Variants in ZNF236 observed in about 807,000 individuals in gnomAD.
ZNF236 encodes the protein zinc finger protein 236.
A neutral mutation model predicts 191.2 loss-of-function variants in ZNF236; 50 were observed. The observed-to-expected ratio is 0.26, with a 90% CI of 0.21 to 0.33. The LOEUF is 0.33. Ranked by LOEUF, ZNF236 falls within the 10% of genes least tolerant of loss-of-function variation. ZNF236 has a pLI of 1.00. For synonymous variants in ZNF236, 907 were observed against 928.8 expected (o/e 0.98, Z 0.43); for missense variants, 1,754 against 2,374.5 (o/e 0.74, Z 5.43).
chr18:76,824,217 G>A, intron 1 of ZNF236: 2 of 729,092 alleles, frequency 2.7e-6, no homozygotes, highest in Non-Finnish European at 5.1e-6. Context: ...GAGGTAATGG[G>A]TAGGAATCAA....
intron 30 of ZNF236, among the ~76,000 whole-genome samples, chr18:76,966,485 G>A (rs905001941): frequency 3.9e-5 from 6 of 152,156 alleles, no homozygotes; most frequent in Non-Finnish European, 7.3e-5. Flanking sequence ...GTTTCTCACT[G>A]GACAGAGCTT....
At chr18:76,841,416 C>A (rs1298234212) in intron 1 of ZNF236, among the ~76,000 whole-genome samples, 1 of 152,056 alleles carries the variant, frequency 6.6e-6, no homozygotes, top group African/African-American at 2.4e-5. Context: ...ATAATATGAG[C>A]GAACCGACAC....
In ZNF236 at chr18:76,843,803, A is replaced by AG. The variant is rs535970004; in HGVS notation, c.56-5723_56-5722insG. On this transcript the variant is annotated intron_variant, in intron 1 of 30. Transcript: ENST00000320610. The stretch of plus-strand genomic sequence containing the variant: ...AAAAAAAAAAAAAAAAAAAAAAAAA[A>AG]AAGTAAAGAAGAGACCGGGCGCAGT... Among the ~76,000 whole-genome samples the AG allele has an allele frequency of 1.7e-3, 108 of 62,074 alleles. 27 individuals are homozygous for AG. In the East Asian group the frequency reaches 0.029, roughly 16 times the overall value. The allele number at this position is 62,074 out of a possible 152,430, so 40.7% of individuals were successfully genotyped here.
chr18:76,883,977 C>G (rs886140305), intron 9 of ZNF236, among the ~76,000 whole-genome samples: 1 of 152,168 alleles, frequency 6.6e-6, no homozygotes, highest in Non-Finnish European at 1.5e-5. Context: ...TTGATTTATT[C>G]ACTTTTATCA....
intron 20 of ZNF236, 86 bp downstream of exon 20, chr18:76,920,144 G>A: frequency 6.8e-7 from 1 of 1,464,910 alleles, no homozygotes; most frequent in Non-Finnish European, 9.2e-7. Flanking sequence ...CACTGCAGCA[G>A]GGCCATTAGT....
chr18:76,915,529 G>T, intron 18 of ZNF236, 118 bp from the exon 19 acceptor site: 3 of 877,600 alleles, frequency 3.4e-6, no homozygotes, highest in East Asian at 2.5e-5. Flanking sequence ...AGTCTGTTAA[G>T]CCTCAGGATA....
In ZNF236 at chr18:76,895,102, A is replaced by G. The variant is rs199756693; in HGVS notation, c.1507A>G (p.Ile503Val). The change falls in exon 10 of 31, where the codon ATC (isoleucine) becomes GTC (valine). Residue 503 changes from isoleucine (I) to valine (V), a missense_variant. By Grantham distance (29) the Ile-to-Val change is conservative. Transcript: ENST00000320610. ...CAAGCCCAGCGACCTGGTCCGCCAC[A>G]TCCGCATCCACACCCACGAGAAGCC... is the stretch of plus-strand genomic sequence containing the variant. ...FRKPSDLVRHIRIHTHEKPFK... is the reference protein window; with the variant it reads ...FRKPSDLVRHVRIHTHEKPFK... The G allele has an allele frequency of 3.1e-6, 5 of 1,611,976 alleles. No individual in the cohort carries two copies. In the African/African-American group the frequency reaches 5.3e-5, roughly 17 times the overall value.
Position 76,919,867 on chromosome 18 carries a change from A to C in ZNF236, c.3366A>C (p.Thr1122=). 2 of 1,614,250 alleles carry C rather than the reference A, an allele frequency of 1.2e-6. No homozygotes were observed. Among genetic ancestry groups the C allele is most frequent in the Non-Finnish European group, 1.7e-6 (2 of 1,180,058 alleles). Residue 1122 remains threonine, a synonymous_variant, in exon 20 of 31, where the codon ACA becomes ACC. Transcript: ENST00000320610. The surrounding 1 kb of genome is among the most constrained non-coding windows in gnomAD (Gnocchi z 5.3). ...PEVITFTEEE[T]AQLAKIRPQE... Reference sequence around the variant, plus strand: ...TCATCACTTTCACGGAGGAGGAGACAGCCCAGTTAGCCAAGATCCGGCCGC... The same window carrying C: ...TCATCACTTTCACGGAGGAGGAGACCGCCCAGTTAGCCAAGATCCGGCCGC...
At chr18:76,831,554 G>C (rs1309820137) in intron 1 of ZNF236, among the ~76,000 whole-genome samples, 1 of 152,084 alleles carries the variant, frequency 6.6e-6, no homozygotes, top group African/African-American at 2.4e-5. Flanking sequence ...GTAAATCTCG[G>C]GGACTGTGAC....
intron 1 of ZNF236, among the ~76,000 whole-genome samples, chr18:76,827,737 C>CA (rs1975057245): frequency 6.6e-6 from 1 of 152,196 alleles, no homozygotes; most frequent in Non-Finnish European, 1.5e-5. Flanking sequence ...AAGTGAGTCT[C>CA]ACAGGCATCG....
intron 9 of ZNF236, among the ~76,000 whole-genome samples, chr18:76,892,725 G>A (rs553826447): frequency 1.4e-4 from 22 of 152,204 alleles, no homozygotes; most frequent in African/African-American, 5.1e-4. Flanking sequence ...GTGCCACCAC[G>A]CCCAGCAAAT....
At chr18:76,938,916 C>T (rs968629209) in intron 26 of ZNF236, among the ~76,000 whole-genome samples, 8 of 152,204 alleles carry the variant, frequency 5.3e-5, no homozygotes, top group Non-Finnish European at 8.8e-5. Context: ...GTGCGGAGCG[C>T]GTGACTGCTT....
rs184319896 is a variant in ZNF236, at chr18:76,907,393, G to T, written c.2298-927G>T. ...GTTTGAGACGGAGTCTCGCTCTGTT[G>T]CCCAGGCTGGAGTGCCGTGGTGCAA... On this transcript the variant is annotated intron_variant, in intron 13 of 30. Transcript: ENST00000320610. 1.9e-3 allele frequency among the ~76,000 whole-genome samples: 283 copies of T among 152,320 alleles called. 3 individuals carry two copies. Among genetic ancestry groups the T allele is most frequent in the African/African-American group, 6.5e-3 (272 of 41,580 alleles).
chr18:76,953,862 GA>G (rs1968464887), intron 27 of ZNF236, among the ~76,000 whole-genome samples: 1 of 152,184 alleles, frequency 6.6e-6, no homozygotes, highest in African/African-American at 2.4e-5. Flanking sequence ...TTAGGAGGTG[GA>G]TGGAGAGGCC....
In ZNF236 at chr18:76,875,402, G is replaced by A; in HGVS notation, c.668-90G>A. On this transcript the variant is annotated intron_variant, in intron 5 of 30. Transcript: ENST00000320610. This position sits in a 1 kb window ranked among gnomAD's most constrained non-coding sequence, Gnocchi z 4.3. The stretch of plus-strand genomic sequence containing the variant: ...GGGAGACATTTTGGCTGGAGGGATA[G>A]GTTTGGGTAACTTCAGTGTTGTTCT... 7.8e-7 allele frequency: 1 copy of A among 1,289,942 alleles called. No homozygotes were observed. Among genetic ancestry groups the A allele is most frequent in the Non-Finnish European group, 1.0e-6 (1 of 979,708 alleles). The allele number at this position is 1,289,942 out of a possible 1,614,324, so 79.9% of individuals were successfully genotyped here.
chr18:76,913,964 C>T, intron 18 of ZNF236, 66 bp downstream of exon 18: 1 of 1,544,372 alleles, frequency 6.5e-7, no homozygotes, highest in Non-Finnish European at 8.9e-7. Context: ...AGATATAATC[C>T]ATATACCATT....
chr18:76,863,234 A>T (rs983672618), intron 3 of ZNF236, among the ~76,000 whole-genome samples: 1 of 152,224 alleles, frequency 6.6e-6, no homozygotes, highest in African/African-American at 2.4e-5. Flanking sequence ...CTACATTTGC[A>T]TCATGGTCAT....
At chr18:76,869,457 T>C (rs1976518890) in intron 4 of ZNF236, among the ~76,000 whole-genome samples, 1 of 152,248 alleles carries the variant, frequency 6.6e-6, no homozygotes, top group South Asian at 2.1e-4. Context: ...TATATTTGAA[T>C]GCATTTATAC....
intron 1 of ZNF236, among the ~76,000 whole-genome samples, chr18:76,840,554 C>CACGAATACA (rs1210247293): frequency 6.7e-6 from 1 of 150,222 alleles, no homozygotes; most frequent in Non-Finnish European, 1.5e-5. Flanking sequence ...AAAGAGTTTA[C>CACGAATACA]ACGAATACAA....
Sources: allele counts gnomAD v4.1 joint callset (sites outside exome capture counted in the v4.1 genomes callset), GRCh38; gene constraint gnomAD v4.1.1; non-coding constraint Gnocchi (gnomAD v3.1); transcripts MANE v1.5; gene names NCBI Gene and HGNC (gene_info 2026-07-23, HGNC 2026-07-21).